Variants in CAMTA1 observed in about 807,000 individuals in gnomAD.
CAMTA1 encodes the protein calmodulin-binding transcription activator 1.
Under a neutral mutation model 170.9 loss-of-function variants are expected in CAMTA1, and 27 were observed. The ratio of observed to expected loss-of-function variants is 0.16; its 90% confidence interval spans 0.12 to 0.22. CAMTA1 has a LOEUF of 0.22. Ranked by LOEUF, CAMTA1 falls within the 10% of genes least tolerant of loss-of-function variation. The pLI is 1.00. For missense variants in CAMTA1, 1,619 were observed against 2,217.2 expected, an observed-to-expected ratio of 0.73 and a Z score of 5.42; for synonymous variants, 833 against 891.5, an observed-to-expected ratio of 0.93 and a Z score of 1.17.
intron 3 of CAMTA1, among the ~76,000 whole-genome samples, chr1:6,864,842 C>G (rs1310679467): frequency 1.5e-4 from 23 of 152,316 alleles, no homozygotes; most frequent in African/African-American, 4.6e-4. Context: ...GGAATTGTTC[C>G]TCAGTGCTGG....
At chr1:7,623,476 A>G (rs1244123822) in intron 6 of CAMTA1, among the ~76,000 whole-genome samples, 1 of 152,168 alleles carries the variant, frequency 6.6e-6, no homozygotes, top group Non-Finnish European at 1.5e-5. Flanking sequence ...TCAGCTCCAC[A>G]CACTGAGTCC....
intron 4 of CAMTA1, among the ~76,000 whole-genome samples, chr1:7,241,221 TA>T (rs1240786694): frequency 6.6e-6 from 1 of 152,190 alleles, no homozygotes; most frequent in African/African-American, 2.4e-5. Flanking sequence ...GTGCATAGGA[TA>T]AATGTAAGTT....
At chr1:7,684,996 G>A (rs780664341) in intron 11 of CAMTA1, among the ~76,000 whole-genome samples, 10 of 152,150 alleles carry the variant, frequency 6.6e-5, no homozygotes, top group Admixed American at 2.6e-4. Context: ...CGGGGACTCC[G>A]CGGTGTCGGG....
intron 3 of CAMTA1, among the ~76,000 whole-genome samples, chr1:6,972,709 G>A (rs144398499): frequency 6.6e-6 from 1 of 152,302 alleles, no homozygotes; most frequent in Non-Finnish European, 1.5e-5. Flanking sequence ...CTGGCTGAGT[G>A]TGGAGTCAGT....
In CAMTA1 at chr1:7,270,287, A is replaced by T. The variant is rs373397323; in HGVS notation, c.438+20661A>T. On this transcript the variant is annotated intron_variant, in intron 5 of 22. Transcript: ENST00000303635. ...CACACACACACACATATATATATATATATATTTTTTTTTTTTTTTCTTGTG... is the reference window on the plus strand; with the variant it reads ...CACACACACACACATATATATATATTTATATTTTTTTTTTTTTTTCTTGTG... Among the ~76,000 whole-genome samples, 292 of 111,500 alleles carry T rather than the reference A, an allele frequency of 2.6e-3. 4 individuals carry two copies. The highest frequency in any genetic ancestry group is 9.7e-3 in the East Asian group (37 of 3,816). 73.1% of individuals were successfully genotyped at this position (111,500 alleles called of 152,430 possible). A position where few individuals can be genotyped will look rare whatever the true frequency, so the allele number is the denominator to read the frequency against.
At chr1:6,827,867 T>A (rs1422922598) in intron 3 of CAMTA1, among the ~76,000 whole-genome samples, 1 of 152,184 alleles carries the variant, frequency 6.6e-6, no homozygotes, top group East Asian at 1.9e-4. Flanking sequence ...GTGTTTTGGA[T>A]GAGGACCACA....
intron 11 of CAMTA1, among the ~76,000 whole-genome samples, chr1:7,730,859 A>C (rs936626429): frequency 6.6e-6 from 1 of 151,862 alleles, no homozygotes; most frequent in African/African-American, 2.4e-5. Flanking sequence ...AGATCATGCC[A>C]TTGCACTCCA....
At chr1:7,068,941 C>T (rs1287719439) in intron 3 of CAMTA1, among the ~76,000 whole-genome samples, 2 of 152,150 alleles carry the variant, frequency 1.3e-5, no homozygotes, top group Non-Finnish European at 2.9e-5. Context: ...CTAAGTTGCT[C>T]CCTCTCTTTG....
At chr1:7,191,679 C>T (rs1654549611) in intron 4 of CAMTA1, among the ~76,000 whole-genome samples, 1 of 152,188 alleles carries the variant, frequency 6.6e-6, no homozygotes. Context: ...TTCTCCACAT[C>T]TGGTACAGCT....
Position 7,249,799 on chromosome 1 carries a change from T to G in CAMTA1, c.438+173T>G, listed in dbSNP as rs1460976790. On this transcript the variant is annotated intron_variant, in intron 5 of 22. Transcript: ENST00000303635. The surrounding 1 kb of genome is among the most constrained non-coding windows in gnomAD (Gnocchi z 4.4). Reference sequence around the variant, plus strand: ...TTTTCTACCTTCTTACCCTATAGTCTCCATTCAAGTTTTCAGTGAAACTGG... The same window carrying G: ...TTTTCTACCTTCTTACCCTATAGTCGCCATTCAAGTTTTCAGTGAAACTGG... Among the ~76,000 whole-genome samples, 1 of 152,238 alleles carries G rather than the reference T, an allele frequency of 6.6e-6. No individual in the cohort carries two copies. The highest frequency in any genetic ancestry group is 2.4e-5 in the African/African-American group (1 of 41,456).
At chr1:7,461,346 T>C (rs1052169170) in intron 5 of CAMTA1, among the ~76,000 whole-genome samples, 2 of 152,194 alleles carry the variant, frequency 1.3e-5, no homozygotes, top group African/African-American at 4.8e-5. Flanking sequence ...ATCTCTGAAC[T>C]GGACCCTAAC....
At chr1:7,569,954 C>G (rs1576137189) in intron 6 of CAMTA1, among the ~76,000 whole-genome samples, 2 of 152,344 alleles carry the variant, frequency 1.3e-5, no homozygotes, top group South Asian at 4.1e-4. Flanking sequence ...TTCCCATAAG[C>G]TAACTGCCCT....
At chr1:7,074,014 TA>T (rs1280467219) in intron 3 of CAMTA1, among the ~76,000 whole-genome samples, 6 of 152,214 alleles carry the variant, frequency 3.9e-5, no homozygotes, top group Admixed American at 1.3e-4. Flanking sequence ...AGTAAGGGCT[TA>T]AAAGGTTTGC....
intron 4 of CAMTA1, among the ~76,000 whole-genome samples, chr1:7,205,630 A>G (rs1219540651): frequency 2.0e-5 from 3 of 152,274 alleles, no homozygotes; most frequent in Middle Eastern, 3.4e-3. Flanking sequence ...TTTGCATGAC[A>G]TATTTATTTT....
At chr1:7,188,201 A>G (rs1354114522) in intron 4 of CAMTA1, among the ~76,000 whole-genome samples, 2 of 152,182 alleles carry the variant, frequency 1.3e-5, no homozygotes, top group Admixed American at 1.3e-4. Flanking sequence ...AGTCTCTCCC[A>G]CAACACCTGA....
In CAMTA1 at chr1:7,249,456, G is replaced by A. The variant is rs200083751; in HGVS notation, c.303-35G>A. On this transcript the variant is annotated intron_variant, in intron 4 of 22. Transcript: ENST00000303635. The surrounding 1 kb of genome is among the most constrained non-coding windows in gnomAD (Gnocchi z 4.4). The stretch of plus-strand genomic sequence containing the variant: ...TCTTCATAAATTTTTCTTCTACTTG[G>A]TACTCTTGGTAACTTAACCATTTGT... The A allele has an allele frequency of 3.0e-5, 47 of 1,587,332 alleles. No homozygotes were observed. The East Asian group carries it at 7.7e-4, about 26-fold the overall frequency.
chr1:7,027,888 A>ATTTCTT (rs146130554), intron 3 of CAMTA1, among the ~76,000 whole-genome samples: 1 of 150,316 alleles, frequency 6.7e-6, no homozygotes, highest in Admixed American at 6.6e-5. Flanking sequence ...CAGAGATATT[A>ATTTCTT]TTTCTTTTTC....
intron 1 of CAMTA1, among the ~76,000 whole-genome samples, chr1:6,788,295 G>T (rs1424206608): frequency 6.6e-6 from 1 of 151,992 alleles, no homozygotes; most frequent in Non-Finnish European, 1.5e-5. Context: ...AACAAGTTCC[G>T]TTGGGCTCTG....
Position 7,680,992 on chromosome 1 carries a change from G to A in CAMTA1, c.2914+3259G>A, listed in dbSNP as rs986383351. Among the ~76,000 whole-genome samples, 1 of 146,916 alleles carries A rather than the reference G, an allele frequency of 6.8e-6. No homozygotes were observed. The highest frequency in any genetic ancestry group is 2.4e-5 in the African/African-American group (1 of 41,162). ...GGCGATCGTCCCCACGTTGGGGCCG[G>A]GGGGCAGGGACCCGACGTCCCCAAA... On this transcript the variant is annotated intron_variant, in intron 11 of 22. Coordinates refer to ENST00000303635, the MANE Select transcript of CAMTA1 (RefSeq NM_015215.4). The surrounding 1 kb of genome is among the most constrained non-coding windows in gnomAD (Gnocchi z 4.4).
Sources: gnomAD v4.1 joint callset for allele counts (sites outside exome capture counted in the v4.1 genomes callset) on GRCh38, gnomAD v4.1.1 for gene constraint, Gnocchi (gnomAD v3.1) non-coding constraint, MANE v1.5 for transcripts, NCBI Gene and HGNC (gene_info 2026-07-23, HGNC 2026-07-21) for gene names.